Variants in SYT16 observed in about 807,000 individuals in gnomAD.
The protein encoded by SYT16 is synaptotagmin 16.
SYT16 carries 42 observed loss-of-function variants against 61.4 expected under a neutral mutation model. The observed-to-expected ratio is 0.68, with a 90% confidence interval of 0.53 to 0.89. The LOEUF (loss-of-function observed/expected upper bound fraction) is 0.89. Among genes scored for constraint, SYT16 ranks in the 40% least tolerant of loss-of-function variants. SYT16 has a pLI of 0.00. For synonymous variants in SYT16, 314 were observed against 302.3 expected (o/e 1.04, Z -0.40); for missense variants, 804 against 807.3 (o/e 1.00, Z 0.05).
intron 1 of SYT16, among the ~76,000 whole-genome samples, chr14:61,957,222 T>G (rs2050914833): frequency 6.6e-6 from 1 of 151,796 alleles, no homozygotes; most frequent in Non-Finnish European, 1.5e-5. Context: ...TAAGAGTCTT[T>G]AGGGTTTTCT....
chr14:61,851,970 C>A (rs2140272713), intron 1 of SYT16, among the ~76,000 whole-genome samples: 1 of 152,278 alleles, frequency 6.6e-6, no homozygotes, highest in Non-Finnish European at 1.5e-5. Context: ...ATCATGAAAT[C>A]TTTGCCAATG....
Position 62,102,630 on chromosome 14 carries a change from CTT to C in SYT16, c.*1925_*1926del, listed in dbSNP as rs1226201026. ...GAAGTGGCTTTTCACATCTCTTACT[CTT>C]TATGCCTTGTGTTTAAAGGGAAGTA... On this transcript the variant is annotated 3_prime_UTR_variant, in exon 8 of 8. Coordinates refer to ENST00000683842, the MANE Select transcript of SYT16 (RefSeq NM_001367656.1). The C allele has an allele frequency of 6.6e-6, 1 of 152,168 alleles. No homozygotes were observed. Among genetic ancestry groups the C allele is most frequent in the African/African-American group, 2.4e-5 (1 of 41,436 alleles). The allele number at this position is 152,168 out of a possible 1,614,324, so 9.4% of individuals were successfully genotyped here.
intron 1 of SYT16, among the ~76,000 whole-genome samples, chr14:61,834,906 T>A (rs146412301): frequency 6.6e-6 from 1 of 152,254 alleles, no homozygotes; most frequent in Non-Finnish European, 1.5e-5. Flanking sequence ...TATGATGGTA[T>A]ATAGCATAGC....
intron 3 of SYT16, among the ~76,000 whole-genome samples, chr14:62,039,032 C>T (rs780009692): frequency 3.3e-5 from 5 of 152,172 alleles, no homozygotes; most frequent in Non-Finnish European, 7.3e-5. Flanking sequence ...AGTAAAGTGA[C>T]AAATGGCAAG....
chr14:61,839,532 G>A (rs75514381), intron 1 of SYT16, among the ~76,000 whole-genome samples: 5,237 of 152,172 alleles, frequency 0.034, 176 homozygotes, highest in African/African-American at 0.091. Context: ...TAGCTGTGCC[G>A]TGAGAAAGCA....
At chr14:61,814,868 A>T (rs1168300711) in intron 1 of SYT16, among the ~76,000 whole-genome samples, 1 of 152,292 alleles carries the variant, frequency 6.6e-6, no homozygotes, top group East Asian at 1.9e-4. Context: ...GCAAAGCTTG[A>T]CCATGTTTGC....
intron 1 of SYT16, among the ~76,000 whole-genome samples, chr14:61,900,496 T>G (rs1321878960): frequency 6.6e-6 from 1 of 152,166 alleles, no homozygotes; most frequent in Non-Finnish European, 1.5e-5. Flanking sequence ...GAAAACAAAT[T>G]TCCAGGAAGG....
intron 4 of SYT16, among the ~76,000 whole-genome samples, chr14:62,071,631 A>T (rs1360167486): frequency 6.6e-6 from 1 of 152,174 alleles, no homozygotes; most frequent in Non-Finnish European, 1.5e-5. Context: ...TTTTTTGTTC[A>T]TCTTTATATC....
chr14:62,083,484 G>C (rs1283310844), intron 6 of SYT16, among the ~76,000 whole-genome samples: 1 of 152,104 alleles, frequency 6.6e-6, no homozygotes, highest in African/African-American at 2.4e-5. Context: ...TAGGTGCTCA[G>C]GAGAAGCGTG....
chr14:61,916,633 A>G (rs1201185975), intron 1 of SYT16, among the ~76,000 whole-genome samples: 2 of 152,150 alleles, frequency 1.3e-5, no homozygotes, highest in African/African-American at 2.4e-5. Context: ...AATGTGCAAT[A>G]TATTATTGAT....
chr14:62,043,915 C>T (rs1397832913), intron 3 of SYT16, among the ~76,000 whole-genome samples: 1 of 152,062 alleles, frequency 6.6e-6, no homozygotes, highest in African/African-American at 2.4e-5. Flanking sequence ...TCAAGCAATC[C>T]TCCTACCTCG....
intron 3 of SYT16, 40 bp downstream of exon 3, chr14:61,996,582 A>T: frequency 6.5e-7 from 1 of 1,538,810 alleles, no homozygotes. Flanking sequence ...GTTCCTCCAA[A>T]GAGCATTTCT....
chr14:61,911,125 G>GC (rs1427016839), intron 1 of SYT16, among the ~76,000 whole-genome samples: 2 of 152,070 alleles, frequency 1.3e-5, no homozygotes, highest in Non-Finnish European at 2.9e-5. Flanking sequence ...AATTTGTAAG[G>GC]CGTTTCCTCT....
Position 62,075,226 on chromosome 14 carries a change from AAG to A in SYT16, c.831_832del (p.Asp279CysfsTer33). ...CTGCTCACTCACAGTCCCCATGTGA[AAG>A]AGGGGATGCCAAACACCACGGCACA... Reference protein sequence around the residue: ...IPAHSQSPCERGDAKHHGTSH... With the variant: ...IPAHSQSPCEXGDAKHHGTSH... On this transcript the variant is annotated frameshift_variant, in exon 5 of 8. Coordinates refer to ENST00000683842, the MANE Select transcript of SYT16 (RefSeq NM_001367656.1). LOFTEE classifies it high-confidence loss of function. The A allele has an allele frequency of 6.2e-7, 1 of 1,613,776 alleles. No individual in the cohort carries two copies. Among genetic ancestry groups the A allele is most frequent in the South Asian group, 1.1e-5 (1 of 91,074 alleles).
chr14:62,072,022 C>G (rs1339997938), intron 4 of SYT16, among the ~76,000 whole-genome samples: 1 of 152,160 alleles, frequency 6.6e-6, no homozygotes. Flanking sequence ...TCAATGCATT[C>G]CTGATAACGT....
At chr14:61,886,438 A>G (rs938208682) in intron 1 of SYT16, among the ~76,000 whole-genome samples, 2 of 152,186 alleles carry the variant, frequency 1.3e-5, no homozygotes, top group African/African-American at 4.8e-5. Flanking sequence ...TTCTTTATCA[A>G]CTAAGCTTTT....
intron 1 of SYT16, among the ~76,000 whole-genome samples, chr14:61,969,795 T>C (rs982139792): frequency 6.6e-6 from 1 of 152,196 alleles, no homozygotes. Context: ...ACCCATTTGA[T>C]TGAACTCTGT....
At chr14:61,914,568 G>GT (rs1361063420) in intron 1 of SYT16, among the ~76,000 whole-genome samples, 1 of 152,090 alleles carries the variant, frequency 6.6e-6, no homozygotes, top group African/African-American at 2.4e-5. Context: ...CTCCTCCAGT[G>GT]TTCCCCAGCT....
intron 1 of SYT16, among the ~76,000 whole-genome samples, chr14:61,921,387 T>C (rs146085538): frequency 5.4e-4 from 82 of 152,280 alleles, no homozygotes; most frequent in Admixed American, 2.0e-3. Flanking sequence ...CACCTGAAAT[T>C]ATCCTGCCAG....
Sources: allele counts gnomAD v4.1 joint callset (sites outside exome capture counted in the v4.1 genomes callset), GRCh38; gene constraint gnomAD v4.1.1; transcripts MANE v1.5; gene names NCBI Gene and HGNC (gene_info 2026-07-23, HGNC 2026-07-21).